The following MAP3K8 variants were observed in gnomAD, a reference collection of about 807,000 sequenced individuals.
The protein encoded by MAP3K8 is mitogen-activated protein kinase kinase kinase 8.
Under a neutral mutation model 45.8 loss-of-function variants are expected in MAP3K8, and 22 were observed. That is an observed-to-expected ratio of 0.48 (90% confidence interval 0.34 to 0.69). The LOEUF (loss-of-function observed/expected upper bound fraction) is 0.69, where lower values mean the gene tolerates loss of function less well. Ranked by LOEUF, MAP3K8 falls within the 30% of genes least tolerant of loss-of-function variation. The pLI is 0.01. For missense variants in MAP3K8, 419 were observed against 585.0 expected (o/e 0.72, Z 2.93); for synonymous variants, 223 against 214.3 (o/e 1.04, Z -0.36).
At chr10:30,435,877 T>A (rs1408765970) in intron 1 of MAP3K8, among the ~76,000 whole-genome samples, 2 of 152,238 alleles carry the variant, frequency 1.3e-5, no homozygotes, top group African/African-American at 2.4e-5. Flanking sequence ...ATAACACAAG[T>A]AATAGTCATT....
intron 1 of MAP3K8, among the ~76,000 whole-genome samples, chr10:30,435,001 GA>G (rs1186614087): frequency 3.3e-5 from 5 of 151,488 alleles, no homozygotes; most frequent in Admixed American, 6.6e-5. Flanking sequence ...AATACTAGGA[GA>G]AAAAAAAAGT....
intron 6 of MAP3K8, among the ~76,000 whole-genome samples, chr10:30,456,816 T>C (rs770832877): frequency 1.1e-3 from 170 of 152,158 alleles, no homozygotes; most frequent in Middle Eastern, 6.8e-3. Flanking sequence ...TGAGATTCAG[T>C]GGCTCACGCC....
intron 6 of MAP3K8, among the ~76,000 whole-genome samples, chr10:30,452,821 A>G (rs1240961601): frequency 6.8e-6 from 1 of 148,018 alleles, no homozygotes; most frequent in East Asian, 2.0e-4. Flanking sequence ...GATTACAGGC[A>G]TGTGCCACCA....
chr10:30,453,195 T>TCTAACC (rs1467827566), intron 6 of MAP3K8, among the ~76,000 whole-genome samples: 3 of 152,094 alleles, frequency 2.0e-5, no homozygotes, highest in Non-Finnish European at 4.4e-5. Flanking sequence ...TCTTTCTAAG[T>TCTAACC]CTAACCCTAA....
intron 1 of MAP3K8, among the ~76,000 whole-genome samples, chr10:30,436,412 A>T (rs1835909299): frequency 6.6e-6 from 1 of 152,110 alleles, no homozygotes; most frequent in African/African-American, 2.4e-5. Context: ...GAATTACTGC[A>T]GGCACTGAGA....
intron 7 of MAP3K8, among the ~76,000 whole-genome samples, chr10:30,458,840 C>G (rs1220395546): frequency 2.6e-5 from 4 of 152,094 alleles, no homozygotes; most frequent in Admixed American, 2.6e-4. Context: ...TTTAGAAAGC[C>G]AAAACAAAAG....
At chr10:30,445,168 G>A (rs766015832) in intron 3 of MAP3K8, among the ~76,000 whole-genome samples, 13 of 152,108 alleles carry the variant, frequency 8.5e-5, no homozygotes, top group African/African-American at 9.7e-5. Flanking sequence ...AGGCCGAGGC[G>A]GGTGGATCAC....
intron 3 of MAP3K8, among the ~76,000 whole-genome samples, chr10:30,446,949 C>T (rs143739106): frequency 2.0e-5 from 3 of 152,186 alleles, no homozygotes; most frequent in African/African-American, 7.2e-5. Context: ...TGAAGTCTCG[C>T]TATGTTGCCT....
intron 3 of MAP3K8, 90 bp from the exon 4 acceptor site, chr10:30,447,692 G>T (rs1836388322): frequency 2.1e-6 from 2 of 940,362 alleles, no homozygotes; most frequent in East Asian, 2.4e-5. Context: ...TCAGAATGCT[G>T]CTAAAATAAC....
chr10:30,455,092 G>T (rs1836690762), intron 6 of MAP3K8, among the ~76,000 whole-genome samples: 1 of 152,190 alleles, frequency 6.6e-6, no homozygotes, highest in Non-Finnish European at 1.5e-5. Context: ...TTACTCCTGA[G>T]TAGTATTTGG....
At chr10:30,438,706 T>G (rs1835992649) in intron 2 of MAP3K8, 1 of 416,200 alleles carries the variant, frequency 2.4e-6, no homozygotes, top group Non-Finnish European at 4.4e-6. Context: ...CAGGTTTCCC[T>G]CTGCAAAGTG....
At chr10:30,439,331 C>T in intron 3 of MAP3K8, 57 bp downstream of exon 3, 1 of 1,598,762 alleles carries the variant, frequency 6.3e-7, no homozygotes, top group Non-Finnish European at 8.6e-7. Context: ...ACTGCAGCTT[C>T]ATTTAATGCA....
intron 8 of MAP3K8, 149 bp from the exon 9 acceptor site, chr10:30,460,557 G>A: frequency 1.8e-6 from 1 of 551,138 alleles, no homozygotes. Context: ...CATATTATGT[G>A]AACTTAGCCA....
At chr10:30,437,657 T>A (rs1186780089) in intron 2 of MAP3K8, among the ~76,000 whole-genome samples, 1 of 152,230 alleles carries the variant, frequency 6.6e-6, no homozygotes, top group Non-Finnish European at 1.5e-5. Flanking sequence ...CATGGTTCTT[T>A]TGTCAAATGA....
chr10:30,459,152 T>A (rs1836845703), intron 7 of MAP3K8, 103 bp from the exon 8 acceptor site: 4 of 1,243,104 alleles, frequency 3.2e-6, no homozygotes, highest in Non-Finnish European at 4.6e-6. Context: ...GCAGGGCATG[T>A]GGTGGAAAAC....
rs184576797 is a variant in MAP3K8 at position 30,454,632 on chromosome 10, G to C, written c.873+2888G>C. On this transcript the variant is annotated intron_variant, in intron 6 of 8. Coordinates refer to ENST00000263056, the MANE Select transcript of MAP3K8 (RefSeq NM_005204.4). The stretch of plus-strand genomic sequence containing the variant: ...ACTCTCTCAAAGCCAGCACTCTCCC[G>C]GGCAGCAGAAGAAATCCTTGCTTTT... Among the ~76,000 whole-genome samples the C allele has an allele frequency of 2.6e-5, 4 of 151,800 alleles. No individual in the cohort carries two copies. In the East Asian group the frequency reaches 7.7e-4, roughly 29 times the overall value.
chr10:30,440,296 C>T (rs1333834294), intron 3 of MAP3K8, among the ~76,000 whole-genome samples: 7 of 152,168 alleles, frequency 4.6e-5, no homozygotes, highest in Non-Finnish European at 1.0e-4. Flanking sequence ...GCTTGCAAAA[C>T]ATGCTTATTG....
chr10:30,447,907 G>T lies in MAP3K8; in HGVS notation c.462G>T (p.Leu154Phe). The change falls in exon 4 of 9, where the codon TTG becomes TTT. Residue 154 changes from leucine to phenylalanine, a missense_variant. This residue lies in a region of MAP3K8 where 209 missense variants were observed against 367.3 expected (regional missense o/e 0.57). Transcript: ENST00000263056. ...IPRGAFGKVY[L>F]AQDIKTKKRM... is the part of the protein sequence containing the mutation. ...GGGGCGCCTTTGGAAAGGTATACTT[G>T]GCACAAGATATAAAGACGAAGAAAA... The T allele has an allele frequency of 6.2e-7, 1 of 1,612,742 alleles. No homozygotes were observed. Among genetic ancestry groups the T allele is most frequent in the Non-Finnish European group, 8.5e-7 (1 of 1,179,668 alleles).
chr10:30,446,668 A>G (rs1836351419), intron 3 of MAP3K8, among the ~76,000 whole-genome samples: 1 of 152,162 alleles, frequency 6.6e-6, no homozygotes. Context: ...CACTCTGGAC[A>G]TGTTACAGGC....
Sources: allele counts gnomAD v4.1 joint callset (sites outside exome capture counted in the v4.1 genomes callset), GRCh38; gene constraint gnomAD v4.1.1; regional missense constraint gnomAD v4.1.1; transcripts MANE v1.5; gene names NCBI Gene and HGNC (gene_info 2026-07-23, HGNC 2026-07-21).